The following PRKN variants were observed in gnomAD, a reference collection of about 807,000 sequenced individuals.
PRKN encodes the protein parkin RBR E3 ubiquitin protein ligase, also known as E3 ubiquitin-protein ligase parkin.
PRKN carries 56 observed loss-of-function variants against 59.5 expected under a neutral mutation model. That is an observed-to-expected ratio of 0.94 (90% CI 0.76 to 1.18). The LOEUF (loss-of-function observed/expected upper bound fraction) is 1.18. Ranked by LOEUF, PRKN falls within the 50% of genes most tolerant of loss-of-function variation. PRKN has a pLI of 0.00. For missense variants in PRKN, 657 were observed against 596.4 expected (o/e 1.10, Z -1.06); for synonymous variants, 250 against 222.1 (o/e 1.13, Z -1.12).
intron 2 of PRKN, among the ~76,000 whole-genome samples, chr6:162,438,396 T>G (rs1040235308): frequency 6.6e-6 from 1 of 152,208 alleles, no homozygotes; most frequent in African/African-American, 2.4e-5. Flanking sequence ...TCCTTCCTAG[T>G]GTTCCAAAAT....
intron 1 of PRKN, among the ~76,000 whole-genome samples, chr6:162,651,862 C>A (rs1778450450): frequency 6.6e-6 from 1 of 152,126 alleles, no homozygotes; most frequent in Non-Finnish European, 1.5e-5. Flanking sequence ...TTTTCATTCA[C>A]TAATAAATTA....
intron 5 of PRKN, among the ~76,000 whole-genome samples, chr6:162,044,908 A>G (rs1338020952): frequency 6.6e-6 from 1 of 152,166 alleles, no homozygotes; most frequent in African/African-American, 2.4e-5. Flanking sequence ...CCTCTGCCCT[A>G]TTCACAGAGG....
At chr6:162,329,335 G>A (rs1161495734) in intron 2 of PRKN, among the ~76,000 whole-genome samples, 4 of 152,152 alleles carry the variant, frequency 2.6e-5, no homozygotes, top group Non-Finnish European at 5.9e-5. Context: ...CCGATAGCCA[G>A]TGGGCATATA....
At chr6:162,013,449 A>AT (rs1241796174) in intron 5 of PRKN, among the ~76,000 whole-genome samples, 1 of 144,108 alleles carries the variant, frequency 6.9e-6, no homozygotes, top group Non-Finnish European at 1.5e-5. Context: ...GAGCCCTAGT[A>AT]TTTTTAGTGG....
chr6:162,105,663 G>A (rs1032261885), intron 4 of PRKN, among the ~76,000 whole-genome samples: 2 of 152,184 alleles, frequency 1.3e-5, no homozygotes, highest in Non-Finnish European at 2.9e-5. Flanking sequence ...GTCTCCCAAA[G>A]TGCTGGGATT....
chr6:162,278,342 T>A (rs1004493229), intron 2 of PRKN, among the ~76,000 whole-genome samples: 7 of 152,128 alleles, frequency 4.6e-5, no homozygotes, highest in African/African-American at 1.7e-4. Context: ...GTGAAAATAC[T>A]CAGGGTGATA....
chr6:162,450,266 A>AT (rs1473404890), intron 1 of PRKN, among the ~76,000 whole-genome samples: 1 of 147,810 alleles, frequency 6.8e-6, no homozygotes, highest in Non-Finnish European at 1.5e-5. Flanking sequence ...AAACGCCCCT[A>AT]TGACTGTAAA....
intron 2 of PRKN, among the ~76,000 whole-genome samples, chr6:162,398,322 T>TA (rs373135081): frequency 6.6e-6 from 1 of 152,026 alleles, no homozygotes; most frequent in African/African-American, 2.4e-5. Flanking sequence ...ATGTTTTTCT[T>TA]AAAAAAATGA....
At chr6:162,386,760 A>C (rs1786841196) in intron 2 of PRKN, among the ~76,000 whole-genome samples, 1 of 152,244 alleles carries the variant, frequency 6.6e-6, no homozygotes, top group African/African-American at 2.4e-5. Context: ...CAGATGGAGA[A>C]AGAAAAATTG....
rs117122607 is a variant in PRKN at position 162,631,010 on chromosome 6, C to T, written c.7+96652G>A. ...ACTCAGGAAATTACAGTTATTAGTC[C>T]TTAAGCATTTCCGGTAGAATTCTCA... is the stretch of plus-strand genomic sequence containing the variant. On this transcript the variant is annotated intron_variant, in intron 1 of 11. Coordinates refer to ENST00000366898, the MANE Select transcript of PRKN (RefSeq NM_004562.3). Among the ~76,000 whole-genome samples, 119 of 152,192 alleles carry T rather than the reference C, an allele frequency of 7.8e-4. 5 individuals are homozygous for T. The East Asian group carries it at 0.019, about 24-fold the overall frequency.
intron 4 of PRKN, among the ~76,000 whole-genome samples, chr6:162,179,387 G>C (rs901421387): frequency 5.9e-5 from 9 of 152,118 alleles, no homozygotes; most frequent in Non-Finnish European, 1.3e-4. Context: ...ATGGACTGCC[G>C]GGGCTCCACC....
intron 7 of PRKN, among the ~76,000 whole-genome samples, chr6:161,671,931 C>T (rs1465887651): frequency 2.6e-5 from 4 of 152,086 alleles, no homozygotes; most frequent in African/African-American, 4.8e-5. Flanking sequence ...TAAAGTTCTG[C>T]TGCTCCACAG....
chr6:161,424,129 G>A (rs985552262), intron 9 of PRKN, among the ~76,000 whole-genome samples: 1 of 152,062 alleles, frequency 6.6e-6, no homozygotes, highest in Admixed American at 6.5e-5. Context: ...TTGAGTCCAG[G>A]AGTTCAAGGC....
At chr6:161,730,199 TTTC>T (rs1329043079) in intron 7 of PRKN, among the ~76,000 whole-genome samples, 10 of 151,386 alleles carry the variant, frequency 6.6e-5, no homozygotes, top group South Asian at 6.2e-4. Context: ...TGTTGCATTC[TTTC>T]TGTGTTGCAT....
intron 9 of PRKN, among the ~76,000 whole-genome samples, chr6:161,534,383 G>A (rs899575564): frequency 6.6e-6 from 1 of 152,080 alleles, no homozygotes; most frequent in East Asian, 1.9e-4. Context: ...TTGATACAAC[G>A]ATGAGTGTGC....
chr6:161,387,171 C>A (rs543436219), intron 9 of PRKN, among the ~76,000 whole-genome samples: 1 of 152,156 alleles, frequency 6.6e-6, no homozygotes, highest in African/African-American at 2.4e-5. Flanking sequence ...GGCTGTGTCC[C>A]CACCCAAATC....
chr6:162,356,709 C>T (rs7775868), intron 2 of PRKN, among the ~76,000 whole-genome samples: 46,853 of 138,152 alleles, frequency 0.34, 8,169 homozygotes, highest in East Asian at 0.65. Flanking sequence ...GACTTTAATG[C>T]TTACTATAAT....
Position 161,662,129 on chromosome 6 carries a change from G to A in PRKN, c.872-92713C>T, listed in dbSNP as rs147409850. Among the ~76,000 whole-genome samples the A allele has an allele frequency of 3.3e-3, 495 of 152,292 alleles. 4 individuals carry two copies. Among genetic ancestry groups the A allele is most frequent in the African/African-American group, 0.011 (449 of 41,560 alleles). On this transcript the variant is annotated intron_variant, in intron 7 of 11. Transcript: ENST00000366898. ...AATGAGCTGCACAGAGGGAAAGTTCGTAACGTGAATGTTGGCTCAAAAAAA... is the reference window on the plus strand; with the variant it reads ...AATGAGCTGCACAGAGGGAAAGTTCATAACGTGAATGTTGGCTCAAAAAAA...
intron 10 of PRKN, among the ~76,000 whole-genome samples, chr6:161,370,591 C>CA (rs560655971): frequency 0.21 from 11,974 of 57,584 alleles, 1,443 homozygotes; most frequent in Middle Eastern, 0.37. Flanking sequence ...GACTCTGTGT[C>CA]AAAAAAAAAA....
Sources: gnomAD v4.1 joint callset for allele counts (sites outside exome capture counted in the v4.1 genomes callset) on GRCh38, gnomAD v4.1.1 for gene constraint, MANE v1.5 for transcripts, NCBI Gene and HGNC (gene_info 2026-07-23, HGNC 2026-07-21) for gene names.